The following PTPRG variants were observed in gnomAD, a reference collection of about 807,000 sequenced individuals.
PTPRG encodes receptor-type tyrosine-protein phosphatase gamma.
PTPRG carries 102 observed loss-of-function variants against 165.3 expected under a neutral mutation model. The observed-to-expected ratio is 0.62, with a 90% CI of 0.53 to 0.73. The LOEUF (loss-of-function observed/expected upper bound fraction) is 0.73, where lower values mean the gene tolerates loss of function less well. Among genes scored for constraint, PTPRG ranks in the 30% least tolerant of loss-of-function variants. The probability of loss-of-function intolerance (pLI) is 0.00; values close to 1 mark genes in which losing one functional copy is unlikely to be tolerated. For synonymous variants in PTPRG, 675 were observed against 669.5 expected (o/e 1.01, Z -0.13); for missense variants, 1,866 against 1,861.4 (o/e 1.00, Z -0.05).
At chr3:62,038,247 A>G (rs1433776254) in intron 4 of PTPRG, among the ~76,000 whole-genome samples, 2 of 152,218 alleles carry the variant, frequency 1.3e-5, no homozygotes, top group African/African-American at 2.4e-5. Context: ...TGTTTGCACA[A>G]TCTCTCCCTA....
intron 1 of PTPRG, among the ~76,000 whole-genome samples, chr3:61,746,255 G>A (rs1315246192): frequency 7.9e-6 from 1 of 126,924 alleles, no homozygotes; most frequent in African/African-American, 3.1e-5. Context: ...ATCTCGCTGT[G>A]TCTCCCAGGC....
Position 62,273,717 on chromosome 3 carries a change from A to G in PTPRG, c.3338A>G (p.His1113Arg). 1 of 1,613,698 alleles carries G rather than the reference A, an allele frequency of 6.2e-7. No individual in the cohort carries two copies. The highest frequency in any genetic ancestry group is 8.5e-7 in the Non-Finnish European group (1 of 1,179,724). Residue 1113 changes from histidine (H) to arginine (R), a missense_variant, in exon 23 of 30, where the codon CAT becomes CGT. This residue lies in a region of PTPRG where 1,452 missense variants were observed against 1,463.0 expected (regional missense o/e 0.99). Coordinates refer to ENST00000474889, the MANE Select transcript of PTPRG (RefSeq NM_002841.4). The surrounding 1 kb of genome is among the most constrained non-coding windows in gnomAD (Gnocchi z 4.1). ...TCTTAGGAGCAGTACATTTTCATCC[A>G]TGATGCCTTGTTGGAAGCCATTCTT... ...VQTEEQYIFI[H>R]DALLEAILGK...
intron 5 of PTPRG, chr3:62,124,309 C>G: frequency 1.9e-6 from 3 of 1,606,378 alleles, no homozygotes; most frequent in Non-Finnish European, 8.5e-7. Flanking sequence ...TCAGCGGCAT[C>G]CTGGATGCCT....
At chr3:61,836,345 G>A (rs1202953059) in intron 2 of PTPRG, among the ~76,000 whole-genome samples, 1 of 152,088 alleles carries the variant, frequency 6.6e-6, no homozygotes, top group South Asian at 2.1e-4. Flanking sequence ...GTAGTACATA[G>A]TAAGTGCTTG....
rs1703074751 is a variant in PTPRG, at chr3:62,296,691, T to G, written c.*3384T>G. The stretch of plus-strand genomic sequence containing the variant: ...ACAGATGTAATTTCACTTAACCCTT[T>G]GCGCTTTCCCTTAGTTGTCATTTAA... On this transcript the variant is annotated 3_prime_UTR_variant, in exon 30 of 30. Coordinates refer to ENST00000474889, the MANE Select transcript of PTPRG (RefSeq NM_002841.4). 1 of 151,798 alleles carries G rather than the reference T, an allele frequency of 6.6e-6. No individual in the cohort carries two copies. The highest frequency in any genetic ancestry group is 1.5e-5 in the Non-Finnish European group (1 of 67,866). The allele number at this position is 151,798 out of a possible 1,614,324, so 9.4% of individuals were successfully genotyped here. A position where few individuals can be genotyped will look rare whatever the true frequency, so the allele number is the denominator to read the frequency against.
chr3:61,840,780 T>TTG (rs1475301345), intron 2 of PTPRG, among the ~76,000 whole-genome samples: 1 of 112,674 alleles, frequency 8.9e-6, no homozygotes, highest in Non-Finnish European at 1.7e-5. Context: ...TTTTGTTTGT[T>TTG]TGTTTTTTTT....
intron 2 of PTPRG, among the ~76,000 whole-genome samples, chr3:61,877,277 G>T (rs1486693761): frequency 6.6e-6 from 1 of 152,180 alleles, no homozygotes; most frequent in African/African-American, 2.4e-5. Flanking sequence ...TTAGCATTTG[G>T]ATATTTATTA....
chr3:61,656,049 C>CT (rs1702501412), intron 1 of PTPRG, among the ~76,000 whole-genome samples: 1 of 150,602 alleles, frequency 6.6e-6, no homozygotes, highest in Admixed American at 6.6e-5. Flanking sequence ...ACCCCCCCCC[C>CT]CCCGACCATC....
chr3:62,271,010 C>G lies in PTPRG; in HGVS notation c.3010-373C>G, dbSNP rs541892866. Among the ~76,000 whole-genome samples the G allele has an allele frequency of 1.3e-5, 2 of 152,262 alleles. No homozygotes were observed. Among genetic ancestry groups the G allele is most frequent in the East Asian group, 3.9e-4 (2 of 5,180 alleles). The stretch of plus-strand genomic sequence containing the variant: ...GACAGTGGAGAAGGAATGGGAATCA[C>G]AGCCCACAGAGACATGAAAGCAAAG... On this transcript the variant is annotated intron_variant, in intron 20 of 29. Coordinates refer to ENST00000474889, the MANE Select transcript of PTPRG (RefSeq NM_002841.4). This position sits in a 1 kb window ranked among gnomAD's most constrained non-coding sequence, Gnocchi z 4.1.
At chr3:61,860,874 G>A (rs531972770) in intron 2 of PTPRG, among the ~76,000 whole-genome samples, 19 of 152,164 alleles carry the variant, frequency 1.2e-4, no homozygotes, top group African/African-American at 3.9e-4. Context: ...TTTATCACTG[G>A]TGTAGATTCA....
chr3:61,570,914 A>G (rs1036662254), intron 1 of PTPRG, among the ~76,000 whole-genome samples: 2 of 152,146 alleles, frequency 1.3e-5, no homozygotes, highest in Non-Finnish European at 2.9e-5. Flanking sequence ...TGGTTACCCA[A>G]CATCTTACGG....
intron 1 of PTPRG, among the ~76,000 whole-genome samples, chr3:61,681,972 A>G (rs1472644328): frequency 6.6e-6 from 1 of 152,040 alleles, no homozygotes; most frequent in Non-Finnish European, 1.5e-5. Context: ...CAACATAGTG[A>G]AAACTTTTCG....
chr3:61,670,720 G>A (rs1702951661), intron 1 of PTPRG, among the ~76,000 whole-genome samples: 1 of 152,174 alleles, frequency 6.6e-6, no homozygotes. Context: ...CCGGTTGTAG[G>A]TATTAGACTG....
intron 2 of PTPRG, among the ~76,000 whole-genome samples, chr3:61,922,783 G>A (rs977189049): frequency 6.6e-6 from 1 of 152,180 alleles, no homozygotes; most frequent in Non-Finnish European, 1.5e-5. Flanking sequence ...TGGGATTACA[G>A]GTGCGTGCCA....
chr3:61,589,620 A>ATGGGG (rs1419196275), intron 1 of PTPRG, among the ~76,000 whole-genome samples: 1 of 151,942 alleles, frequency 6.6e-6, no homozygotes, highest in Non-Finnish European at 1.5e-5. Context: ...CAGGTGGTTG[A>ATGGGG]TGGGGTGGGG....
chr3:61,652,892 T>G (rs1702395361), intron 1 of PTPRG, among the ~76,000 whole-genome samples: 1 of 152,200 alleles, frequency 6.6e-6, no homozygotes, highest in African/African-American at 2.4e-5. Context: ...CTGCCAGCTA[T>G]TTGTCACTGG....
At chr3:61,572,620 C>T (rs1286526362) in intron 1 of PTPRG, among the ~76,000 whole-genome samples, 1 of 152,190 alleles carries the variant, frequency 6.6e-6, no homozygotes, top group Non-Finnish European at 1.5e-5. Flanking sequence ...ATGCCAGGTG[C>T]TGTTCTAGGC....
intron 2 of PTPRG, among the ~76,000 whole-genome samples, chr3:61,815,694 A>G (rs546114339): frequency 1.7e-4 from 26 of 152,328 alleles, no homozygotes; most frequent in African/African-American, 6.0e-4. Flanking sequence ...GATCTTAATC[A>G]TTACTAAGCA....
At chr3:61,696,405 G>A (rs2030596696) in intron 1 of PTPRG, among the ~76,000 whole-genome samples, 1 of 152,108 alleles carries the variant, frequency 6.6e-6, no homozygotes, top group African/African-American at 2.4e-5. Context: ...GGGAGGCTGA[G>A]GCAAGAGAAT....
Sources: allele counts gnomAD v4.1 joint callset (sites outside exome capture counted in the v4.1 genomes callset), GRCh38; gene constraint gnomAD v4.1.1; regional missense constraint gnomAD v4.1.1; non-coding constraint Gnocchi (gnomAD v3.1); transcripts MANE v1.5; gene names NCBI Gene and HGNC (gene_info 2026-07-23, HGNC 2026-07-21).